STXBP5L: variants seen among roughly 807,000 people sequenced by gnomAD.
The protein encoded by STXBP5L is syntaxin binding protein 5L.
In STXBP5L, 65 loss-of-function variants were observed where a neutral mutation model predicts 144.5. The observed-to-expected ratio is 0.45, with a 90% CI of 0.37 to 0.55. STXBP5L has a LOEUF of 0.55. Among genes scored for constraint, STXBP5L ranks in the 20% least tolerant of loss-of-function variants. STXBP5L has a pLI of 0.00. For synonymous variants in STXBP5L, 505 were observed against 469.6 expected (o/e 1.08, Z -0.97); for missense variants, 1,298 against 1,405.5 (o/e 0.92, Z 1.22).
chr3:121,178,087 G>T (rs779184312), intron 9 of STXBP5L, among the ~76,000 whole-genome samples: 18 of 152,054 alleles, frequency 1.2e-4, no homozygotes, highest in Non-Finnish European at 2.5e-4. Context: ...ATTCACAGAG[G>T]CAAAAAGGAG....
chr3:121,310,578 G>A (rs191799078), intron 19 of STXBP5L, among the ~76,000 whole-genome samples: 88 of 151,806 alleles, frequency 5.8e-4, no homozygotes, highest in Non-Finnish European at 9.0e-4. Flanking sequence ...TCGTGCCACT[G>A]CACTCCAGCC....
chr3:121,272,927 T>C (rs904162726), intron 18 of STXBP5L, among the ~76,000 whole-genome samples: 2 of 152,010 alleles, frequency 1.3e-5, no homozygotes, highest in African/African-American at 4.8e-5. Flanking sequence ...ACACATTTTA[T>C]ATTTATATAT....
chr3:121,073,886 G>T (rs1241038689), intron 5 of STXBP5L, among the ~76,000 whole-genome samples: 1 of 152,202 alleles, frequency 6.6e-6, no homozygotes, highest in Non-Finnish European at 1.5e-5. Context: ...AGCTCATGCT[G>T]CCCCTGAGAG....
Position 121,220,856 on chromosome 3 carries a change from T to C in STXBP5L, c.957-2147T>C, listed in dbSNP as rs79792972. 4.0e-3 allele frequency among the ~76,000 whole-genome samples: 611 copies of C among 152,116 alleles called. 4 individuals carry two copies. The highest frequency in any genetic ancestry group is 7.5e-3 in the South Asian group (36 of 4,832). On this transcript the variant is annotated intron_variant, in intron 10 of 26. Transcript: ENST00000471454. ...AATCCCAGATTATTCATGTATAAAATGGGACTAATAGTACTTTCTTCATCA... is the reference window on the plus strand; with the variant it reads ...AATCCCAGATTATTCATGTATAAAACGGGACTAATAGTACTTTCTTCATCA...
At chr3:120,991,483 A>G (rs1942864212) in intron 3 of STXBP5L, among the ~76,000 whole-genome samples, 2 of 152,204 alleles carry the variant, frequency 1.3e-5, no homozygotes, top group African/African-American at 4.8e-5. Flanking sequence ...ATTACTGGGT[A>G]TATACCCAAA....
At chr3:121,263,052 C>T (rs1314313840) in intron 18 of STXBP5L, among the ~76,000 whole-genome samples, 2 of 152,202 alleles carry the variant, frequency 1.3e-5, no homozygotes, top group Non-Finnish European at 2.9e-5. Flanking sequence ...GGTCGACAGA[C>T]ACCTCATACA....
At chr3:121,011,106 T>C (rs1944741208) in intron 3 of STXBP5L, among the ~76,000 whole-genome samples, 1 of 150,088 alleles carries the variant, frequency 6.7e-6, no homozygotes, top group Non-Finnish European at 1.5e-5. Context: ...ACTGCTTTCT[T>C]TGTACTTCGC....
At chr3:121,387,991 G>A (rs780582613) in intron 22 of STXBP5L, among the ~76,000 whole-genome samples, 19 of 152,184 alleles carry the variant, frequency 1.2e-4, no homozygotes, top group African/African-American at 2.2e-4. Context: ...ATTACCTTGG[G>A]CAGTATGGCC....
At chr3:121,331,705 G>A (rs1159135523) in intron 20 of STXBP5L, among the ~76,000 whole-genome samples, 2 of 152,096 alleles carry the variant, frequency 1.3e-5, no homozygotes, top group Non-Finnish European at 2.9e-5. Flanking sequence ...ATTGGGTATT[G>A]CATCTACCCA....
intron 2 of STXBP5L, among the ~76,000 whole-genome samples, chr3:120,951,882 A>G (rs1006215048): frequency 6.6e-6 from 1 of 152,066 alleles, no homozygotes; most frequent in Non-Finnish European, 1.5e-5. Flanking sequence ...ACTATTCACA[A>G]TAGCAAAGAC....
chr3:121,397,368 G>A (rs574895227), intron 22 of STXBP5L, among the ~76,000 whole-genome samples: 8 of 152,184 alleles, frequency 5.3e-5, no homozygotes, highest in African/African-American at 1.4e-4. Flanking sequence ...TCTTAATTAC[G>A]AAAACTGCAG....
intron 7 of STXBP5L, among the ~76,000 whole-genome samples, chr3:121,135,679 A>T (rs1264679116): frequency 3.3e-5 from 5 of 152,124 alleles, no homozygotes; most frequent in Non-Finnish European, 7.4e-5. Context: ...AGTGACGGGG[A>T]TCAGCTGTAA....
chr3:121,342,373 T>A (rs1159334563), intron 20 of STXBP5L, among the ~76,000 whole-genome samples: 1 of 152,044 alleles, frequency 6.6e-6, no homozygotes, highest in African/African-American at 2.4e-5. Flanking sequence ...ATACTTTAAG[T>A]TTTAGGGTAC....
chr3:121,200,848 CTGTT>C (rs1177727280), intron 9 of STXBP5L, among the ~76,000 whole-genome samples: 2 of 152,144 alleles, frequency 1.3e-5, no homozygotes, highest in African/African-American at 4.8e-5. Flanking sequence ...GTCTGAGAGA[CTGTT>C]TGTTATGATT....
intron 5 of STXBP5L, among the ~76,000 whole-genome samples, chr3:121,093,723 G>T (rs1043835570): frequency 6.6e-6 from 1 of 152,006 alleles, no homozygotes; most frequent in Admixed American, 6.6e-5. Context: ...CAAAAAACCA[G>T]CTCCTGGATT....
At chr3:121,008,794 G>A (rs1944547123) in intron 3 of STXBP5L, among the ~76,000 whole-genome samples, 1 of 151,938 alleles carries the variant, frequency 6.6e-6, no homozygotes, top group African/African-American at 2.4e-5. Flanking sequence ...GGAATTTGTT[G>A]AGGCTAAATC....
intron 5 of STXBP5L, among the ~76,000 whole-genome samples, chr3:121,085,541 C>G (rs1264183852): frequency 2.0e-5 from 3 of 152,112 alleles, no homozygotes; most frequent in African/African-American, 7.2e-5. Flanking sequence ...AATAGACAAA[C>G]AGAGAGCCAA....
At position 121,004,223 on chromosome 3, in the gene STXBP5L, C is replaced by T. The variant is rs956557932; in HGVS notation, c.288-37477C>T. On this transcript the variant is annotated intron_variant, in intron 3 of 26. Coordinates refer to ENST00000471454, the MANE Select transcript of STXBP5L (RefSeq NM_001308330.2). ...CATTTGTTTGTATCCTCTTTTATTTCATCGAGCAGTGGTTTGTAGCTCTCC... is the reference window on the plus strand; with the variant it reads ...CATTTGTTTGTATCCTCTTTTATTTTATCGAGCAGTGGTTTGTAGCTCTCC... Among the ~76,000 whole-genome samples the T allele has an allele frequency of 3.7e-4, 57 of 152,108 alleles. No homozygotes were observed. The East Asian group carries it at 6.0e-3, about 16-fold the overall frequency.
chr3:121,036,968 C>A (rs4048792), intron 3 of STXBP5L, among the ~76,000 whole-genome samples: 1 of 151,496 alleles, frequency 6.6e-6, no homozygotes, highest in South Asian at 2.1e-4. Context: ...TCTCTGTCAC[C>A]CAGGCTTGAG....
Sources: gnomAD v4.1 joint callset for allele counts (sites outside exome capture counted in the v4.1 genomes callset) on GRCh38, gnomAD v4.1.1 for gene constraint, MANE v1.5 for transcripts, NCBI Gene and HGNC (gene_info 2026-07-23, HGNC 2026-07-21) for gene names.